C11orf97: variants seen among roughly 807,000 people sequenced by gnomAD.
The protein encoded by C11orf97 is chromosome 11 open reading frame 97.
C11orf97 carries 15 observed loss-of-function variants against 16.2 expected under a neutral mutation model. That is an observed-to-expected ratio of 0.93 (90% CI 0.62 to 1.43). The LOEUF (loss-of-function observed/expected upper bound fraction) is 1.43, where lower values mean the gene tolerates loss of function less well. Among genes scored for constraint, C11orf97 ranks in the 40% most tolerant of loss-of-function variants. C11orf97 has a pLI of 0.00. For missense variants in C11orf97, 171 were observed against 161.2 expected, an observed-to-expected ratio of 1.06 and a Z score of -0.33; for synonymous variants, 61 against 65.7, an observed-to-expected ratio of 0.93 and a Z score of 0.34.
chr11:94,524,841 A>C (rs1424531320), intron 2 of C11orf97, among the ~76,000 whole-genome samples: 2 of 152,108 alleles, frequency 1.3e-5, no homozygotes, highest in Non-Finnish European at 2.9e-5. Flanking sequence ...GGCCGATCAC[A>C]TGAGGTCAGG....
chr11:94,521,748 GTGTT>G (rs1164081789), intron 2 of C11orf97, among the ~76,000 whole-genome samples: 4 of 152,188 alleles, frequency 2.6e-5, no homozygotes, highest in African/African-American at 4.8e-5. Context: ...ATTCTGAGAG[GTGTT>G]TAACTTGCCC....
chr11:94,526,089 G>A (rs1050111895), intron 2 of C11orf97, among the ~76,000 whole-genome samples: 1 of 152,048 alleles, frequency 6.6e-6, no homozygotes, highest in African/African-American at 2.4e-5. Context: ...GAGAGGAGTC[G>A]ACACTTGAAG....
At chr11:94,520,030 A>C (rs914289185) in intron 2 of C11orf97, among the ~76,000 whole-genome samples, 3 of 152,200 alleles carry the variant, frequency 2.0e-5, no homozygotes, top group South Asian at 2.1e-4. Context: ...CTTTTAGAGA[A>C]TTGTGTGGTT....
chr11:94,527,170 A>G (rs1947707091), intron 2 of C11orf97, among the ~76,000 whole-genome samples: 1 of 152,242 alleles, frequency 6.6e-6, no homozygotes, highest in Non-Finnish European at 1.5e-5. Context: ...ATCAAAACCC[A>G]GATCTCCTCT....
intron 3 of C11orf97, among the ~76,000 whole-genome samples, chr11:94,531,358 G>C (rs1184394594): frequency 1.3e-5 from 2 of 152,078 alleles, no homozygotes; most frequent in African/African-American, 2.4e-5. Context: ...AGAATCGCTT[G>C]AACCTGGGTG....
intron 3 of C11orf97, among the ~76,000 whole-genome samples, chr11:94,530,210 A>G (rs957864824): frequency 6.6e-6 from 1 of 152,200 alleles, no homozygotes. Flanking sequence ...CATCCACACT[A>G]CATTCCTAGT....
intron 2 of C11orf97, among the ~76,000 whole-genome samples, chr11:94,523,706 GA>G (rs1418809343): frequency 2.0e-5 from 3 of 152,196 alleles, no homozygotes; most frequent in African/African-American, 7.2e-5. Flanking sequence ...ATGTTGAATA[GA>G]ATGAACATTA....
intron 2 of C11orf97, among the ~76,000 whole-genome samples, chr11:94,523,129 G>C (rs1228185681): frequency 6.6e-6 from 1 of 152,146 alleles, no homozygotes; most frequent in Non-Finnish European, 1.5e-5. Context: ...TCCATCAAAA[G>C]TAGTAAAAAA....
At position 94,517,687 on chromosome 11, in the gene C11orf97, G is replaced by C; in HGVS notation, c.250G>C (p.Val84Leu). Residue 84 changes from valine to leucine, a missense_variant and splice_region_variant, in exon 2 of 4, where the codon GTG (valine) becomes CTG (leucine). Transcript: ENST00000542198. ...DECHIKNPAA[V>L]ALEGIWSIKR... ...ATGCCACATTAAAAATCCAGCTGCA[G>C]GTAATCTCAGTGACAAATGAAGTAT... 6.6e-7 allele frequency: 1 copy of C among 1,511,044 alleles called. No individual in the cohort carries two copies. 93.6% of individuals were successfully genotyped at this position (1,511,044 alleles called of 1,614,324 possible).
intron 2 of C11orf97, among the ~76,000 whole-genome samples, chr11:94,527,102 A>G (rs1947706739): frequency 6.6e-6 from 1 of 152,244 alleles, no homozygotes; most frequent in South Asian, 2.1e-4. Context: ...GGAAATTAAG[A>G]CATAGTGGGT....
chr11:94,524,875 A>G (rs1210362467), intron 2 of C11orf97, among the ~76,000 whole-genome samples: 1 of 152,126 alleles, frequency 6.6e-6, no homozygotes, highest in Non-Finnish European at 1.5e-5. Flanking sequence ...CCCAGGCAAC[A>G]TGGTGAAACC....
At chr11:94,525,724 A>G (rs934212751) in intron 2 of C11orf97, among the ~76,000 whole-genome samples, 21 of 152,214 alleles carry the variant, frequency 1.4e-4, no homozygotes, top group African/African-American at 5.1e-4. Context: ...CCTTGCTTGC[A>G]CAAGAGAAGT....
At position 94,517,681 on chromosome 11, in the gene C11orf97, G is replaced by A. The variant is rs1565252313; in HGVS notation, c.244G>A (p.Ala82Thr). The change falls in exon 2 of 4, where the codon GCT becomes ACT. Residue 82 changes from alanine to threonine, a missense_variant. Physicochemically the swap from Ala to Thr is moderately conservative, Grantham distance 58. Transcript: ENST00000542198. ...AGATGAATGCCACATTAAAAATCCAGCTGCAGGTAATCTCAGTGACAAATG... is the reference window on the plus strand; with the variant it reads ...AGATGAATGCCACATTAAAAATCCAACTGCAGGTAATCTCAGTGACAAATG... ...KRDECHIKNP[A>T]AVALEGIWSI... 6.6e-7 allele frequency: 1 copy of A among 1,521,804 alleles called. No individual in the cohort carries two copies. 94.3% of individuals were successfully genotyped at this position (1,521,804 alleles called of 1,614,324 possible). A position where few individuals can be genotyped will look rare whatever the true frequency, so the allele number is the denominator to read the frequency against.
At chr11:94,512,744 G>A (rs1304692441) in intron 1 of C11orf97, 71 bp downstream of exon 1, 1 of 1,228,830 alleles carries the variant, frequency 8.1e-7, no homozygotes, top group Non-Finnish European at 1.0e-6. Flanking sequence ...GGCAATTGGG[G>A]GAAACCGCAG....
chr11:94,516,681 AG>A (rs2135177925), intron 1 of C11orf97, among the ~76,000 whole-genome samples: 1 of 152,304 alleles, frequency 6.6e-6, no homozygotes, highest in South Asian at 2.1e-4. Flanking sequence ...AGAATAAAGG[AG>A]GGTGCCATGA....
chr11:94,518,230 A>G (rs1467778359), intron 2 of C11orf97, among the ~76,000 whole-genome samples: 1 of 151,952 alleles, frequency 6.6e-6, no homozygotes, highest in East Asian at 1.9e-4. Flanking sequence ...CTATTTAATG[A>G]CATGTACCAT....
intron 2 of C11orf97, among the ~76,000 whole-genome samples, chr11:94,526,625 A>G (rs997357067): frequency 6.6e-6 from 1 of 152,202 alleles, no homozygotes; most frequent in Non-Finnish European, 1.5e-5. Flanking sequence ...GGGGGTATTG[A>G]ATAAATGTCA....
intron 2 of C11orf97, among the ~76,000 whole-genome samples, chr11:94,526,424 T>C (rs192745682): frequency 2.0e-5 from 3 of 152,352 alleles, no homozygotes; most frequent in East Asian, 3.9e-4. Context: ...TGTTTTTCTC[T>C]GTGACATTCT....
rs889004608 is a variant in C11orf97, at chr11:94,527,973, T to G, written c.251-111T>G. The G allele has an allele frequency of 2.8e-6, 3 of 1,072,222 alleles. No homozygotes were observed. The African/African-American group carries it at 4.8e-5, about 17-fold the overall frequency. 66.4% of individuals were successfully genotyped at this position (1,072,222 alleles called of 1,614,324 possible). On this transcript the variant is annotated intron_variant, in intron 2 of 3. Coordinates refer to ENST00000542198, the MANE Select transcript of C11orf97 (RefSeq NM_001190462.2). ...GAGTGGTTTGATTAGTCAAACCAAA[T>G]AAACCCCCACCCAAATAAATAAAAA...
Sources: allele counts gnomAD v4.1 joint callset (sites outside exome capture counted in the v4.1 genomes callset), GRCh38; gene constraint gnomAD v4.1.1; transcripts MANE v1.5; gene names NCBI Gene and HGNC (gene_info 2026-07-23, HGNC 2026-07-21).